The following ASIC2 variants were observed in gnomAD, a reference collection of about 807,000 sequenced individuals.
ASIC2 encodes the protein acid-sensing ion channel 2.
Under a neutral mutation model 57.3 loss-of-function variants are expected in ASIC2, and 25 were observed. The ratio of observed to expected loss-of-function variants is 0.44; its 90% CI spans 0.32 to 0.61. The LOEUF (loss-of-function observed/expected upper bound fraction) is 0.61. Among genes scored for constraint, ASIC2 ranks in the 20% least tolerant of loss-of-function variants. The pLI is 0.06. For synonymous variants in ASIC2, 319 were observed against 307.5 expected (o/e 1.04, Z -0.39); for missense variants, 641 against 738.1 (o/e 0.87, Z 1.52).
At chr17:33,654,941 G>T (rs1907031286) in intron 1 of ASIC2, among the ~76,000 whole-genome samples, 1 of 152,110 alleles carries the variant, frequency 6.6e-6, no homozygotes, top group African/African-American at 2.4e-5. Context: ...ATCAGCCTGG[G>T]CAACAGAATG....
At chr17:33,210,756 G>A (rs1907237725) in intron 1 of ASIC2, among the ~76,000 whole-genome samples, 1 of 152,184 alleles carries the variant, frequency 6.6e-6, no homozygotes. Context: ...CACCCATCGT[G>A]TGCAGGACCC....
intron 1 of ASIC2, chr17:33,936,455 A>C (rs990689718): frequency 6.6e-6 from 1 of 152,208 alleles, no homozygotes; most frequent in African/African-American, 2.4e-5. Flanking sequence ...TGAGGCAGCC[A>C]AGCTGAGGTC....
At chr17:33,347,552 T>C (rs1366521975) in intron 1 of ASIC2, among the ~76,000 whole-genome samples, 2 of 152,112 alleles carry the variant, frequency 1.3e-5, no homozygotes, top group Admixed American at 1.3e-4. Context: ...AGAGTGGGTG[T>C]TAGGACAAAG....
chr17:33,634,719 T>C (rs1281802376), intron 1 of ASIC2: 1 of 147,964 alleles, frequency 6.8e-6, no homozygotes, highest in African/African-American at 2.5e-5. Context: ...TCTTTTTTTT[T>C]TTTTTTTGTA....
chr17:33,665,785 G>A (rs1907452187), intron 1 of ASIC2, among the ~76,000 whole-genome samples: 1 of 152,108 alleles, frequency 6.6e-6, no homozygotes, highest in South Asian at 2.1e-4. Context: ...TAAATATTCA[G>A]AGGTCTCGAG....
chr17:33,762,724 C>T (rs1214734484), intron 1 of ASIC2, among the ~76,000 whole-genome samples: 1 of 152,158 alleles, frequency 6.6e-6, no homozygotes, highest in East Asian at 1.9e-4. Flanking sequence ...ACTTTGTTAG[C>T]ACTGGGCTCA....
At chr17:33,984,460 G>A (rs1436278405) in intron 1 of ASIC2, 7 of 152,210 alleles carry the variant, frequency 4.6e-5, no homozygotes, top group Admixed American at 3.9e-4. Flanking sequence ...CATCGTGCAA[G>A]CAATTTTTAG....
chr17:33,772,336 G>T (rs1242398051), intron 1 of ASIC2, among the ~76,000 whole-genome samples: 2 of 152,164 alleles, frequency 1.3e-5, no homozygotes, highest in Non-Finnish European at 1.5e-5. Context: ...ATTAGCATTA[G>T]ATCATACCCT....
intron 1 of ASIC2, among the ~76,000 whole-genome samples, chr17:33,728,242 G>A (rs1909625826): frequency 6.6e-6 from 1 of 152,070 alleles, no homozygotes; most frequent in African/African-American, 2.4e-5. Context: ...TGGCTCCAGG[G>A]GCCCAAAGCC....
chr17:33,717,464 T>G (rs968313110), intron 1 of ASIC2, among the ~76,000 whole-genome samples: 3 of 152,104 alleles, frequency 2.0e-5, no homozygotes, highest in Admixed American at 1.3e-4. Context: ...CTGGGCCTCC[T>G]CACTCACCAA....
At chr17:33,639,369 G>C (rs774778809) in intron 1 of ASIC2, among the ~76,000 whole-genome samples, 12 of 152,112 alleles carry the variant, frequency 7.9e-5, no homozygotes, top group Non-Finnish European at 1.6e-4. Context: ...TTCCCTTTCT[G>C]GGCCCTTTTC....
chr17:33,584,651 A>G (rs938171984), intron 1 of ASIC2, among the ~76,000 whole-genome samples: 8 of 151,568 alleles, frequency 5.3e-5, no homozygotes, highest in Non-Finnish European at 1.2e-4. Flanking sequence ...AACCTTATGG[A>G]TGATCAGAGA....
At chr17:33,643,044 G>T (rs1199931482) in intron 1 of ASIC2, among the ~76,000 whole-genome samples, 1 of 152,152 alleles carries the variant, frequency 6.6e-6, no homozygotes, top group Non-Finnish European at 1.5e-5. Context: ...AAGAATGGAG[G>T]TTTTCAAACT....
Position 33,271,614 on chromosome 17 carries a change from A to G in ASIC2, c.708+19794T>C, listed in dbSNP as rs531843344. On this transcript the variant is annotated intron_variant, in intron 1 of 9. Coordinates refer to ENST00000225823, the MANE Select transcript of ASIC2 (RefSeq NM_183377.2). ...TATCACCCTCTACTACCAATCCACC[A>G]TGAAGTCTCACTGGACCTACCTTCA... is the stretch of plus-strand genomic sequence containing the variant. Among the ~76,000 whole-genome samples, 3 of 152,222 alleles carry G rather than the reference A, an allele frequency of 2.0e-5. No homozygotes were observed. The South Asian group carries it at 6.2e-4, about 32-fold the overall frequency.
At chr17:33,311,931 T>C (rs1906442228) in intron 1 of ASIC2, among the ~76,000 whole-genome samples, 1 of 152,188 alleles carries the variant, frequency 6.6e-6, no homozygotes, top group Non-Finnish European at 1.5e-5. Context: ...TCTCCCCAGC[T>C]TTATGTTGCT....
chr17:33,742,849 G>A (rs918325362), intron 1 of ASIC2, among the ~76,000 whole-genome samples: 53 of 152,190 alleles, frequency 3.5e-4, no homozygotes, highest in African/African-American at 1.2e-3. Flanking sequence ...GTGCAGGGTG[G>A]CATGATCCAT....
chr17:33,117,846 T>A (rs1392217577), intron 1 of ASIC2, among the ~76,000 whole-genome samples: 1 of 152,192 alleles, frequency 6.6e-6, no homozygotes, highest in Admixed American at 6.5e-5. Flanking sequence ...ATTTAAGTTA[T>A]GAAGACGGGG....
At chr17:34,136,692 A>G (rs1912135860) in intron 1 of ASIC2, among the ~76,000 whole-genome samples, 1 of 152,224 alleles carries the variant, frequency 6.6e-6, no homozygotes, top group Non-Finnish European at 1.5e-5. Context: ...TAAAATGTAT[A>G]AAACCAGGCA....
In ASIC2 at chr17:33,456,499, C is replaced by G. The variant is rs534003748; in HGVS notation, c.556-344432G>C. On this transcript the variant is annotated intron_variant, in intron 1 of 9. Transcript: ENST00000359872. ...CCTTCAGTGATAATTCAAGGCTGCA[C>G]CAGCTACTGGGTAGTGACTACTGAT... 3.3e-5 allele frequency among the ~76,000 whole-genome samples: 5 copies of G among 152,332 alleles called. No homozygotes were observed. The South Asian group carries it at 1.0e-3, about 32-fold the overall frequency.
Sources: gnomAD v4.1 joint callset for allele counts (sites outside exome capture counted in the v4.1 genomes callset) on GRCh38, gnomAD v4.1.1 for gene constraint, MANE v1.5 for transcripts, NCBI Gene and HGNC (gene_info 2026-07-23, HGNC 2026-07-21) for gene names.